The following LRRC42 variants were observed in gnomAD, a reference collection of about 807,000 sequenced individuals.
The protein encoded by LRRC42 is leucine-rich repeat-containing protein 42.
A neutral mutation model predicts 44.3 loss-of-function variants in LRRC42; 43 were observed. The observed-to-expected ratio is 0.97, with a 90% CI of 0.76 to 1.25. The LOEUF (loss-of-function observed/expected upper bound fraction) is 1.25. LRRC42 is among the 50% of genes most tolerant of loss of function. The pLI, the probability that LRRC42 is intolerant of heterozygous loss-of-function variation, is 0.00. For synonymous variants in LRRC42, 207 were observed against 195.2 expected, an observed-to-expected ratio of 1.06 and a Z score of -0.50; for missense variants, 540 against 509.1, an observed-to-expected ratio of 1.06 and a Z score of -0.58.
At chr1:53,958,419 T>TC in intron 4 of LRRC42, 139 bp downstream of exon 4, 1 of 1,111,114 alleles carries the variant, frequency 9.0e-7, no homozygotes, top group Non-Finnish European at 1.3e-6. Context: ...ATTTTCAATC[T>TC]CCATTTACTT....
At chr1:53,947,711 C>G (rs1209079008) in intron 1 of LRRC42, 77 bp from the exon 2 acceptor site, 3 of 152,252 alleles carry the variant, frequency 2.0e-5, no homozygotes, top group Non-Finnish European at 4.4e-5. Context: ...TGTGTTCCCA[C>G]TAGCTCTTTC....
chr1:53,948,499 T>A (rs1654587607), intron 2 of LRRC42, among the ~76,000 whole-genome samples: 1 of 152,260 alleles, frequency 6.6e-6, no homozygotes, highest in Non-Finnish European at 1.5e-5. Context: ...GGTGACCAAA[T>A]GCTAGAACAT....
At chr1:53,953,655 G>A (rs1654754976) in intron 3 of LRRC42, among the ~76,000 whole-genome samples, 2 of 151,144 alleles carry the variant, frequency 1.3e-5, no homozygotes, top group South Asian at 4.2e-4. Flanking sequence ...CACCACGCCT[G>A]GCCTACTTGT....
At chr1:53,956,835 A>G (rs973375243) in intron 3 of LRRC42, among the ~76,000 whole-genome samples, 6 of 152,222 alleles carry the variant, frequency 3.9e-5, no homozygotes, top group Non-Finnish European at 7.3e-5. Flanking sequence ...ATCAAAGTAT[A>G]TGTGTTTTCC....
intron 3 of LRRC42, 21 bp from the exon 4 acceptor site, chr1:53,958,128 A>C: frequency 6.2e-7 from 1 of 1,612,842 alleles, no homozygotes; most frequent in Non-Finnish European, 8.5e-7. Context: ...GAAGCTATTG[A>C]TTGCTCTCCA....
chr1:53,965,014 T>G (rs1274044182), intron 7 of LRRC42, among the ~76,000 whole-genome samples: 1 of 139,066 alleles, frequency 7.2e-6, no homozygotes, highest in Non-Finnish European at 1.6e-5. Flanking sequence ...TTTTGTTTTT[T>G]TTTTTTTTGG....
chr1:53,955,949 T>A (rs191973508), intron 3 of LRRC42, among the ~76,000 whole-genome samples: 33 of 152,314 alleles, frequency 2.2e-4, no homozygotes, highest in Admixed American at 1.8e-3. Flanking sequence ...TTAGCCCATA[T>A]TTTATTGCAG....
chr1:53,959,558 C>T (rs1167381493), intron 4 of LRRC42, among the ~76,000 whole-genome samples: 1 of 152,288 alleles, frequency 6.6e-6, no homozygotes, highest in South Asian at 2.1e-4. Flanking sequence ...TATGTGAAAA[C>T]GGAGCATATT....
Position 53,961,852 on chromosome 1 carries a change from T to C in LRRC42, c.725-182T>C, listed in dbSNP as rs998775082. On this transcript the variant is annotated intron_variant, in intron 5 of 8. Transcript: ENST00000371370. ...AAGGATCTTTAGGGATCATTGAGTG[T>C]GGCTCTTTTATATTACAAATAGTAA... 2.4e-5 allele frequency: 14 copies of C among 571,618 alleles called. No individual in the cohort carries two copies. In the African/African-American group the frequency reaches 2.7e-4, roughly 11 times the overall value. 35.4% of individuals were successfully genotyped at this position (571,618 alleles called of 1,614,324 possible).
intron 2 of LRRC42, among the ~76,000 whole-genome samples, chr1:53,951,636 G>A (rs540848279): frequency 1.3e-5 from 2 of 152,290 alleles, no homozygotes; most frequent in South Asian, 4.1e-4. Flanking sequence ...TGTTGGCCAG[G>A]CTGGTCTCGA....
At chr1:53,958,392 C>CT in intron 4 of LRRC42, 112 bp downstream of exon 4, 45 of 1,358,844 alleles carry the variant, frequency 3.3e-5, no homozygotes, top group Non-Finnish European at 3.8e-5. Flanking sequence ...TGTTGATTTG[C>CT]TTTTTTTTCC....
chr1:53,968,043 C>A lies in LRRC42; in HGVS notation c.*104C>A. The A allele has an allele frequency of 8.4e-7, 1 of 1,186,094 alleles. No individual in the cohort carries two copies. The highest frequency in any genetic ancestry group is 1.2e-6 in the Non-Finnish European group (1 of 836,024). The allele number at this position is 1,186,094 out of a possible 1,614,324, so 73.5% of individuals were successfully genotyped here. On this transcript the variant is annotated 3_prime_UTR_variant, in exon 9 of 9. Transcript: ENST00000371370. ...TGTTTGAATTTACCTATGGCATTAG[C>A]ATAGTAAGCAGATATTTCTACTTTT...
At chr1:53,951,149 GT>G (rs1654667119) in intron 2 of LRRC42, among the ~76,000 whole-genome samples, 1 of 152,228 alleles carries the variant, frequency 6.6e-6, no homozygotes, top group Non-Finnish European at 1.5e-5. Context: ...TGTGGAATGT[GT>G]CAAGCTAGCA....
chr1:53,951,721 G>C (rs917822775), intron 2 of LRRC42, among the ~76,000 whole-genome samples: 1 of 152,144 alleles, frequency 6.6e-6, no homozygotes, highest in East Asian at 1.9e-4. Flanking sequence ...TAATGCGTCC[G>C]GCCTTGACCT....
intron 4 of LRRC42, among the ~76,000 whole-genome samples, chr1:53,958,776 G>A (rs965866478): frequency 2.0e-5 from 3 of 151,970 alleles, no homozygotes; most frequent in African/African-American, 7.3e-5. Context: ...AGTAGAGACG[G>A]GGTTTCTCCG....
rs569845516 is a variant in LRRC42, at chr1:53,958,908, G to A, written c.605+628G>A. 1.0e-4 allele frequency among the ~76,000 whole-genome samples: 15 copies of A among 150,034 alleles called. No homozygotes were observed. The East Asian group carries it at 2.0e-3, about 20-fold the overall frequency. On this transcript the variant is annotated intron_variant, in intron 4 of 8. Transcript: ENST00000371370. ...GCCCTATTTATTTATTTCTTTAGAC[G>A]GAGTCTTGCTCTTGTTGTCCAGGCT...
intron 3 of LRRC42, among the ~76,000 whole-genome samples, chr1:53,954,542 G>T (rs972042881): frequency 1.3e-5 from 2 of 152,154 alleles, no homozygotes; most frequent in Admixed American, 6.5e-5. Flanking sequence ...GCTATTTGGG[G>T]AATGCATAAA....
intron 4 of LRRC42, 136 bp downstream of exon 4, chr1:53,958,416 ATCTCCATTT>A: frequency 8.8e-7 from 1 of 1,141,944 alleles, no homozygotes; most frequent in Non-Finnish European, 1.2e-6. Context: ...AACATTTTCA[ATCTCCATTT>A]ACTTGGTATA....
At chr1:53,947,246 G>GGGC (rs1654523121) in intron 1 of LRRC42, among the ~76,000 whole-genome samples, 1 of 152,012 alleles carries the variant, frequency 6.6e-6, no homozygotes, top group East Asian at 1.9e-4. Flanking sequence ...AGGTTGAAAG[G>GGGC]GGCAGGAGAG....
Sources: allele counts gnomAD v4.1 joint callset (sites outside exome capture counted in the v4.1 genomes callset), GRCh38; gene constraint gnomAD v4.1.1; transcripts MANE v1.5; gene names NCBI Gene and HGNC (gene_info 2026-07-23, HGNC 2026-07-21).